IL34: variants seen among roughly 807,000 people sequenced by gnomAD.
IL34 encodes the protein interleukin-34.
In IL34, 17 loss-of-function variants were observed where a neutral mutation model predicts 25.3. The observed-to-expected ratio is 0.67, with a 90% CI of 0.46 to 1.01. The LOEUF is 1.01. Ranked by LOEUF, IL34 falls within the 50% of genes least tolerant of loss-of-function variation. The pLI, the probability that IL34 is intolerant of heterozygous loss-of-function variation, is 0.00. For synonymous variants in IL34, 174 were observed against 140.9 expected, an observed-to-expected ratio of 1.23 and a Z score of -1.66; for missense variants, 368 against 312.9, an observed-to-expected ratio of 1.18 and a Z score of -1.33.
intron 4 of IL34, among the ~76,000 whole-genome samples, chr16:70,659,121 A>G (rs946901029): frequency 6.6e-6 from 1 of 151,894 alleles, no homozygotes; most frequent in African/African-American, 2.4e-5. Flanking sequence ...GCCACGGTGC[A>G]CCCCACATGA....
At chr16:70,627,928 A>T (rs548308844) in intron 1 of IL34, among the ~76,000 whole-genome samples, 4 of 152,372 alleles carry the variant, frequency 2.6e-5, no homozygotes, top group Admixed American at 2.6e-4. Flanking sequence ...GTGCCCATGT[A>T]TACAGATTTC....
chr16:70,619,196 G>A (rs999430515), intron 1 of IL34, among the ~76,000 whole-genome samples: 8 of 152,140 alleles, frequency 5.3e-5, no homozygotes, highest in African/African-American at 1.9e-4. Context: ...TTTTTAAAGC[G>A]TGCTGCGGGA....
chr16:70,586,184 C>T (rs570216660), intron 1 of IL34, among the ~76,000 whole-genome samples: 1 of 152,252 alleles, frequency 6.6e-6, no homozygotes, highest in East Asian at 1.9e-4. Flanking sequence ...GTATATACAC[C>T]ATATTTTGTT....
At chr16:70,627,345 C>T (rs947485403) in intron 1 of IL34, among the ~76,000 whole-genome samples, 1 of 152,118 alleles carries the variant, frequency 6.6e-6, no homozygotes, top group Non-Finnish European at 1.5e-5. Context: ...CACACCCTTG[C>T]AACTATTACC....
At chr16:70,653,458 G>A (rs2052132086) in intron 1 of IL34, among the ~76,000 whole-genome samples, 1 of 152,138 alleles carries the variant, frequency 6.6e-6, no homozygotes, top group African/African-American at 2.4e-5. Flanking sequence ...CAGCACTTTG[G>A]GAGGCTGAGG....
At chr16:70,583,659 A>C (rs756242267) in intron 1 of IL34, among the ~76,000 whole-genome samples, 2 of 151,264 alleles carry the variant, frequency 1.3e-5, no homozygotes, top group Non-Finnish European at 3.0e-5. Flanking sequence ...GAGCATGTAG[A>C]TCTTTCCTCC....
chr16:70,622,093 C>A, intron 1 of IL34, among the ~76,000 whole-genome samples: 1 of 151,930 alleles, frequency 6.6e-6, no homozygotes, highest in Non-Finnish European at 1.5e-5. Context: ...GCCTGAAAAA[C>A]TGCTTGGCTG....
intron 1 of IL34, among the ~76,000 whole-genome samples, chr16:70,636,496 T>A (rs2051647833): frequency 6.6e-6 from 1 of 151,798 alleles, no homozygotes. Context: ...TACTCTGACA[T>A]AGTGTCGTGG....
At chr16:70,628,742 C>A (rs992335983) in intron 1 of IL34, among the ~76,000 whole-genome samples, 1 of 150,476 alleles carries the variant, frequency 6.6e-6, no homozygotes, top group Non-Finnish European at 1.5e-5. Flanking sequence ...CCGCCTTGGC[C>A]TCCCAAAGTC....
intron 1 of IL34, among the ~76,000 whole-genome samples, chr16:70,641,103 C>T (rs8064109): frequency 0.28 from 42,465 of 151,684 alleles, 6,314 homozygotes; most frequent in South Asian, 0.45. Flanking sequence ...GAAATCCTGT[C>T]TCTACTAAAC....
Position 70,646,811 on chromosome 16 carries a change from C to T in IL34, c.-137C>T. 1.3e-6 allele frequency: 1 copy of T among 788,348 alleles called. No individual in the cohort carries two copies. The highest frequency in any genetic ancestry group is 1.9e-6 in the Non-Finnish European group (1 of 525,830). The allele number at this position is 788,348 out of a possible 1,614,324, so 48.8% of individuals were successfully genotyped here. A position where few individuals can be genotyped will look rare whatever the true frequency, so the allele number is the denominator to read the frequency against. ...CACCTGCTCACTCCCGCAGCCCAGC[C>T]ACTCCTCCAGGGCCAGCCCTTCCCT... On this transcript the variant is annotated 5_prime_UTR_variant, in exon 1 of 6. Transcript: ENST00000288098.
intron 1 of IL34, among the ~76,000 whole-genome samples, chr16:70,620,477 T>G (rs1308924434): frequency 6.6e-6 from 1 of 151,620 alleles, no homozygotes; most frequent in East Asian, 1.9e-4. Context: ...GAGCGGAGGC[T>G]GAGGAAGAAT....
intron 1 of IL34, among the ~76,000 whole-genome samples, chr16:70,619,219 G>A (rs1174825769): frequency 7.9e-5 from 12 of 151,466 alleles, no homozygotes; most frequent in South Asian, 2.1e-4. Flanking sequence ...GGATATTGGC[G>A]TTGAGTGGGG....
At chr16:70,659,928 C>T in intron 5 of IL34, 69 bp from the exon 6 acceptor site, 1 of 1,499,208 alleles carries the variant, frequency 6.7e-7, no homozygotes, top group South Asian at 1.3e-5. Context: ...GCACATGCGG[C>T]TTGGCTTAGT....
chr16:70,621,937 C>A lies in IL34; in HGVS notation c.-400-24611C>A, dbSNP rs144755754. On this transcript the variant is annotated intron_variant, in intron 1 of 6. Coordinates refer to the IL34 transcript ENST00000429149. ...CACTTCTTTTGTGGTGGAATGTCAT[C>A]AGTTAAGGGGGGGCAGGGCATATTC... 6.8e-3 allele frequency among the ~76,000 whole-genome samples: 1,039 copies of A among 151,964 alleles called. 9 individuals carry two copies. The highest frequency in any genetic ancestry group is 0.02 in the South Asian group (95 of 4,796).
At chr16:70,607,623 C>T (rs535715131) in intron 1 of IL34, among the ~76,000 whole-genome samples, 2 of 152,202 alleles carry the variant, frequency 1.3e-5, no homozygotes, top group East Asian at 1.9e-4. Flanking sequence ...CATAATTTTT[C>T]GAAGATGCCC....
At chr16:70,657,242 G>A (rs2052255055) in intron 4 of IL34, 121 bp downstream of exon 4, 5 of 1,029,882 alleles carry the variant, frequency 4.9e-6, no homozygotes, top group African/African-American at 1.6e-5. Context: ...ATGGGCACAA[G>A]CAGAGGGACG....
intron 1 of IL34, among the ~76,000 whole-genome samples, chr16:70,623,514 C>G (rs574159042): frequency 6.6e-6 from 1 of 151,950 alleles, no homozygotes; most frequent in Non-Finnish European, 1.5e-5. Flanking sequence ...TTAATCCTTT[C>G]AAAGCATGCT....
chr16:70,596,637 C>A (rs1458928112), intron 1 of IL34, among the ~76,000 whole-genome samples: 1 of 152,186 alleles, frequency 6.6e-6, no homozygotes, highest in Non-Finnish European at 1.5e-5. Flanking sequence ...GTCCCCCACA[C>A]CCTGCCAAAA....
Sources: gnomAD v4.1 joint callset for allele counts (sites outside exome capture counted in the v4.1 genomes callset) on GRCh38, gnomAD v4.1.1 for gene constraint, MANE v1.5 for transcripts, NCBI Gene and HGNC (gene_info 2026-07-23, HGNC 2026-07-21) for gene names.